Variants in SPATA16 observed in about 807,000 individuals in gnomAD.
SPATA16 encodes the protein spermatogenesis-associated protein 16.
Under a neutral mutation model 63.3 loss-of-function variants are expected in SPATA16, and 36 were observed. That is an observed-to-expected ratio of 0.57 (90% confidence interval 0.44 to 0.75). The LOEUF (loss-of-function observed/expected upper bound fraction) is 0.75. Among genes scored for constraint, SPATA16 ranks in the 30% least tolerant of loss-of-function variants. SPATA16 has a pLI of 0.00. For missense variants in SPATA16, 646 were observed against 679.3 expected (o/e 0.95, Z 0.54); for synonymous variants, 203 against 216.7 (o/e 0.94, Z 0.56).
At chr3:172,919,683 A>AT (rs377328006) in intron 8 of SPATA16, among the ~76,000 whole-genome samples, 2,892 of 145,018 alleles carry the variant, frequency 0.02, 91 homozygotes, top group African/African-American at 0.065. Context: ...TTAATTCTTT[A>AT]TTTTTTTTTT....
In SPATA16 at chr3:173,048,976, G is replaced by A; in HGVS notation, c.731C>T (p.Pro244Leu). The stretch of plus-strand genomic sequence containing the variant: ...GTGTGCATGATTCAGGGCAAGATCT[G>A]GTTTCCTCATCCGTAGATAACAGGT... ...LVTCYLRMRK[P>L]DLALNHAHRS... The change falls in exon 3 of 11, where the codon CCA (proline) becomes CTA (leucine). Residue 244 changes from proline (P) to leucine (L), a missense_variant. Pro to Leu is a moderately conservative substitution (Grantham distance 98). Coordinates refer to ENST00000351008, the MANE Select transcript of SPATA16 (RefSeq NM_031955.6). The A allele has an allele frequency of 6.2e-7, 1 of 1,613,778 alleles. No homozygotes were observed. The highest frequency in any genetic ancestry group is 2.2e-5 in the East Asian group (1 of 44,858).
chr3:172,980,937 G>T (rs1040122365), intron 4 of SPATA16, among the ~76,000 whole-genome samples: 2 of 152,048 alleles, frequency 1.3e-5, no homozygotes, highest in African/African-American at 4.8e-5. Context: ...TTGTCTCTGC[G>T]ACTCATTCCA....
At chr3:173,032,548 A>C (rs1040740525) in intron 3 of SPATA16, among the ~76,000 whole-genome samples, 4 of 152,116 alleles carry the variant, frequency 2.6e-5, no homozygotes, top group African/African-American at 4.8e-5. Flanking sequence ...TCTATACCAA[A>C]AAATAAGAAC....
At chr3:172,935,834 G>C (rs1328871835) in intron 6 of SPATA16, among the ~76,000 whole-genome samples, 1 of 152,156 alleles carries the variant, frequency 6.6e-6, no homozygotes, top group Non-Finnish European at 1.5e-5. Context: ...TTGAGTTTAT[G>C]CTACCTGGGT....
chr3:172,973,363 A>G (rs1734088981), intron 5 of SPATA16, among the ~76,000 whole-genome samples: 1 of 152,230 alleles, frequency 6.6e-6, no homozygotes, highest in South Asian at 2.1e-4. Context: ...AAATAAAAAA[A>G]GAACCATTAA....
At chr3:172,992,556 A>G (rs1301888539) in intron 4 of SPATA16, among the ~76,000 whole-genome samples, 1 of 152,054 alleles carries the variant, frequency 6.6e-6, no homozygotes, top group Non-Finnish European at 1.5e-5. Flanking sequence ...GATTGAGGGC[A>G]AGGGGAAAGG....
chr3:172,994,340 C>CAAA (rs976085266), intron 4 of SPATA16, among the ~76,000 whole-genome samples: 1 of 151,862 alleles, frequency 6.6e-6, no homozygotes, highest in African/African-American at 2.4e-5. Flanking sequence ...ATAGATAGCA[C>CAAA]AAAAAAAGAG....
chr3:173,050,373 T>C (rs969684263), intron 2 of SPATA16, among the ~76,000 whole-genome samples: 6 of 152,122 alleles, frequency 3.9e-5, no homozygotes, highest in Admixed American at 1.3e-4. Context: ...GAGATTCATA[T>C]TGTTCTTAAA....
chr3:173,054,419 T>G (rs866303399), intron 2 of SPATA16, among the ~76,000 whole-genome samples: 1 of 151,924 alleles, frequency 6.6e-6, no homozygotes, highest in Non-Finnish European at 1.5e-5. Context: ...ATAAAGAAAA[T>G]GTGATACATA....
chr3:172,931,623 A>G (rs1732874440), intron 6 of SPATA16, among the ~76,000 whole-genome samples: 1 of 152,230 alleles, frequency 6.6e-6, no homozygotes, highest in African/African-American at 2.4e-5. Flanking sequence ...CTGAAAACAT[A>G]CATTCCCAAA....
intron 3 of SPATA16, among the ~76,000 whole-genome samples, chr3:173,028,891 A>C: frequency 6.6e-6 from 1 of 152,082 alleles, no homozygotes; most frequent in East Asian, 1.9e-4. Context: ...GATCTGGAAA[A>C]CATAGTGTGT....
intron 4 of SPATA16, among the ~76,000 whole-genome samples, chr3:172,989,083 G>A (rs916321149): frequency 3.9e-5 from 6 of 152,140 alleles, no homozygotes; most frequent in African/African-American, 1.4e-4. Flanking sequence ...TCTCTGCTCT[G>A]GAATCTTCTT....
In SPATA16 at chr3:173,058,241, C is replaced by A. The variant is rs999041376; in HGVS notation, c.613-9147G>T. Among the ~76,000 whole-genome samples, 15 of 151,900 alleles carry A rather than the reference C, an allele frequency of 9.9e-5. 1 individual carries two copies. In the South Asian group the frequency reaches 2.3e-3, roughly 23 times the overall value. ...ATATATATATCATTATTATAAGTGG[C>A]TGCATAATTTTATTAGATCTCCATT... On this transcript the variant is annotated intron_variant, in intron 2 of 10. Coordinates refer to ENST00000351008, the MANE Select transcript of SPATA16 (RefSeq NM_031955.6).
chr3:172,907,044 T>C (rs1216684826), intron 10 of SPATA16, among the ~76,000 whole-genome samples: 1 of 152,198 alleles, frequency 6.6e-6, no homozygotes, highest in Non-Finnish European at 1.5e-5. Context: ...TATTAAGAGC[T>C]CAGAAAATAT....
At chr3:172,984,086 A>T (rs1734385716) in intron 4 of SPATA16, among the ~76,000 whole-genome samples, 1 of 152,158 alleles carries the variant, frequency 6.6e-6, no homozygotes, top group Admixed American at 6.5e-5. Context: ...CCAATATGGG[A>T]ACAACTAGCC....
chr3:173,012,019 C>G (rs1425988848), intron 4 of SPATA16, among the ~76,000 whole-genome samples: 1 of 152,154 alleles, frequency 6.6e-6, no homozygotes, highest in Non-Finnish European at 1.5e-5. Flanking sequence ...GAAACAGAGT[C>G]TTGCTGTGTT....
At chr3:172,941,071 T>C (rs116438867) in intron 6 of SPATA16, among the ~76,000 whole-genome samples, 4,932 of 152,152 alleles carry the variant, frequency 0.032, 110 homozygotes, top group Non-Finnish European at 0.052. Context: ...ATTACTGGAA[T>C]GAAAATCTTG....
intron 10 of SPATA16, among the ~76,000 whole-genome samples, chr3:172,901,950 G>C (rs1459778312): frequency 7.9e-5 from 12 of 152,176 alleles, no homozygotes; most frequent in Admixed American, 7.9e-4. Flanking sequence ...GAAAAGGGGA[G>C]ATTTACTTCC....
intron 2 of SPATA16, among the ~76,000 whole-genome samples, chr3:173,110,299 G>A (rs1737717447): frequency 6.6e-6 from 1 of 152,136 alleles, no homozygotes; most frequent in Non-Finnish European, 1.5e-5. Flanking sequence ...TTGTGCGAGA[G>A]GCAGTTAGTA....
Sources: gnomAD v4.1 joint callset for allele counts (sites outside exome capture counted in the v4.1 genomes callset) on GRCh38, gnomAD v4.1.1 for gene constraint, MANE v1.5 for transcripts, NCBI Gene and HGNC (gene_info 2026-07-23, HGNC 2026-07-21) for gene names.